Variants in SLC24A2 observed in about 807,000 individuals in gnomAD.
SLC24A2 encodes solute carrier family 24 member 2, also known as sodium/potassium/calcium exchanger 2.
In SLC24A2, 36 loss-of-function variants were observed where a neutral mutation model predicts 62.0. That is an observed-to-expected ratio of 0.58 (90% confidence interval 0.44 to 0.77). The LOEUF is 0.77. Ranked by LOEUF, SLC24A2 falls within the 30% of genes least tolerant of loss-of-function variation. The pLI, the probability that SLC24A2 is intolerant of heterozygous loss-of-function variation, is 0.00. For synonymous variants in SLC24A2, 358 were observed against 294.0 expected (o/e 1.22, Z -2.23); for missense variants, 846 against 817.9 (o/e 1.03, Z -0.42).
chr9:19,880,756 G>A, the SLC24A2 span, among the ~76,000 whole-genome samples: 3 of 152,188 alleles, frequency 2.0e-5, no homozygotes, highest in African/African-American at 4.8e-5. Flanking sequence ...ATAGGAGGAA[G>A]AGATTGGGGG....
At chr9:19,541,111 A>AT (rs1233036844) in intron 8 of SLC24A2, among the ~76,000 whole-genome samples, 9 of 61,126 alleles carry the variant, frequency 1.5e-4, no homozygotes, top group Middle Eastern at 5.1e-3. Context: ...ATTCTTCTAA[A>AT]TTTTTTTCAA....
At chr9:19,937,427 A>G in the SLC24A2 span, among the ~76,000 whole-genome samples, 280 of 152,370 alleles carry the variant, frequency 1.8e-3, no homozygotes, top group African/African-American at 6.3e-3. Context: ...ACTTAGATAA[A>G]TAATTCCATG....
the SLC24A2 span, among the ~76,000 whole-genome samples, chr9:20,172,343 A>G: frequency 2.0e-5 from 3 of 152,092 alleles, no homozygotes; most frequent in African/African-American, 7.2e-5. Flanking sequence ...GGAAATAACC[A>G]GTATCAGAGC....
At chr9:19,928,436 C>G in the SLC24A2 span, 1 of 152,186 alleles carries the variant, frequency 6.6e-6, no homozygotes, top group African/African-American at 2.4e-5. Flanking sequence ...GACCTGGGAG[C>G]AAGTCCCAGC....
At chr9:19,589,288 T>G (rs1356129135) in intron 5 of SLC24A2, among the ~76,000 whole-genome samples, 1 of 152,194 alleles carries the variant, frequency 6.6e-6, no homozygotes, top group Non-Finnish European at 1.5e-5. Flanking sequence ...ACTAAGCAGT[T>G]GTTAAAATGA....
At chr9:20,142,303 C>A in the SLC24A2 span, among the ~76,000 whole-genome samples, 1 of 152,002 alleles carries the variant, frequency 6.6e-6, no homozygotes, top group Non-Finnish European at 1.5e-5. Flanking sequence ...TTTTATTGTA[C>A]AAATGTCTCT....
At chr9:20,019,300 A>G in the SLC24A2 span, among the ~76,000 whole-genome samples, 1 of 148,276 alleles carries the variant, frequency 6.7e-6, no homozygotes, top group East Asian at 1.9e-4. Context: ...AGAAAGAAAG[A>G]AAGAAAGAAA....
chr9:19,711,868 G>T (rs1564057009), intron 2 of SLC24A2, among the ~76,000 whole-genome samples: 1 of 152,160 alleles, frequency 6.6e-6, no homozygotes, highest in Non-Finnish European at 1.5e-5. Flanking sequence ...ATACAAACTA[G>T]ACTCAGAACC....
rs1412830755 is a variant in SLC24A2 at position 19,508,669 on chromosome 9, C to G, written c.*7484G>C. The G allele has an allele frequency of 6.6e-6, 1 of 152,068 alleles. No individual in the cohort carries two copies. The highest frequency in any genetic ancestry group is 1.9e-4 in the East Asian group (1 of 5,174). The allele number at this position is 152,068 out of a possible 1,614,324, so 9.4% of individuals were successfully genotyped here. A position where few individuals can be genotyped will look rare whatever the true frequency, so the allele number is the denominator to read the frequency against. ...ATTAGCCAGGCATGGTGGCATGTGC[C>G]TGAGGTCCCAGCTACTCAAGAGGCT... is the stretch of plus-strand genomic sequence containing the variant. On this transcript the variant is annotated 3_prime_UTR_variant, in exon 11 of 11. Transcript: ENST00000341998.
Position 19,753,293 on chromosome 9 carries a change from A to T in SLC24A2, c.930+32644T>A, listed in dbSNP as rs886584668. Among the ~76,000 whole-genome samples the T allele has an allele frequency of 1.4e-4, 22 of 152,334 alleles. 2 individuals are homozygous for T. Among genetic ancestry groups the T allele is most frequent in the Admixed American group, 1.2e-3 (19 of 15,304 alleles). On this transcript the variant is annotated intron_variant, in intron 2 of 10. Coordinates refer to ENST00000341998, the MANE Select transcript of SLC24A2 (RefSeq NM_020344.4). ...GCACATCTGATTTCTCAGATTCCTC[A>T]GTCCCAGCATTTGTGAAACTGGATT...
At chr9:19,919,154 C>T in the SLC24A2 span, among the ~76,000 whole-genome samples, 5 of 152,056 alleles carry the variant, frequency 3.3e-5, no homozygotes, top group East Asian at 1.9e-4. Flanking sequence ...AAATGACTTC[C>T]GAGGAGAGTT....
At chr9:19,753,528 TCTTC>T (rs559586134) in intron 2 of SLC24A2, among the ~76,000 whole-genome samples, 14 of 152,314 alleles carry the variant, frequency 9.2e-5, no homozygotes, top group Admixed American at 5.9e-4. Context: ...TAAACCACCA[TCTTC>T]CTTTAGTGTT....
intron 4 of SLC24A2, among the ~76,000 whole-genome samples, chr9:19,600,972 C>A (rs914447255): frequency 3.4e-4 from 51 of 152,112 alleles, no homozygotes; most frequent in African/African-American, 1.2e-3. Context: ...GAAGTGAAGC[C>A]AGCTGGACTT....
chr9:20,178,055 T>C, the SLC24A2 span, among the ~76,000 whole-genome samples: 2 of 152,162 alleles, frequency 1.3e-5, no homozygotes, highest in Non-Finnish European at 2.9e-5. Flanking sequence ...CAGCATCTGC[T>C]ATTAACTATA....
chr9:20,050,207 C>G, the SLC24A2 span, among the ~76,000 whole-genome samples: 1 of 139,582 alleles, frequency 7.2e-6, no homozygotes, highest in South Asian at 2.2e-4. Context: ...TGAAACCAAC[C>G]AGCCTGGCCA....
chr9:19,756,903 C>CTTGTTTTTTT (rs1822157104), intron 2 of SLC24A2, among the ~76,000 whole-genome samples: 1 of 78,522 alleles, frequency 1.3e-5, no homozygotes, highest in Non-Finnish European at 2.2e-5. Flanking sequence ...TTTACTGAAG[C>CTTGTTTTTTT]TTTTTTTTTT....
At chr9:19,745,352 A>G (rs547322908) in intron 2 of SLC24A2, among the ~76,000 whole-genome samples, 166 of 152,066 alleles carry the variant, frequency 1.1e-3, no homozygotes, top group Non-Finnish European at 1.9e-3. Flanking sequence ...AGACTAACAC[A>G]CCACTGAATA....
intron 2 of SLC24A2, among the ~76,000 whole-genome samples, chr9:19,716,133 C>T (rs1468863163): frequency 7.2e-5 from 11 of 152,152 alleles, no homozygotes; most frequent in Non-Finnish European, 1.5e-4. Context: ...CAGGCTTTCC[C>T]ATTCCAAGTC....
intron 2 of SLC24A2, among the ~76,000 whole-genome samples, chr9:19,742,471 T>TA (rs1802730299): frequency 6.6e-6 from 1 of 152,216 alleles, no homozygotes; most frequent in South Asian, 2.1e-4. Context: ...GATAATGCCC[T>TA]AAGTTAGGAA....
Sources: allele counts gnomAD v4.1 joint callset (sites outside exome capture counted in the v4.1 genomes callset), GRCh38; gene constraint gnomAD v4.1.1; transcripts MANE v1.5; gene names NCBI Gene and HGNC (gene_info 2026-07-23, HGNC 2026-07-21).